The following RELN variants were observed in gnomAD, a reference collection of about 807,000 sequenced individuals.
RELN encodes the protein reelin.
Under a neutral mutation model 427.6 loss-of-function variants are expected in RELN, and 108 were observed. The ratio of observed to expected loss-of-function variants is 0.25; its 90% CI spans 0.22 to 0.30. RELN has a LOEUF of 0.30. Among genes scored for constraint, RELN ranks in the 10% least tolerant of loss-of-function variants. The pLI is 1.00. For synonymous variants in RELN, 1,524 were observed against 1,513.4 expected (o/e 1.01, Z -0.16); for missense variants, 3,715 against 4,302.8 (o/e 0.86, Z 3.82).
intron 2 of RELN, among the ~76,000 whole-genome samples, chr7:103,837,511 C>T (rs967076029): frequency 6.6e-6 from 1 of 152,208 alleles, no homozygotes; most frequent in Non-Finnish European, 1.5e-5. Flanking sequence ...CCCACCCATC[C>T]TTCTTCTCTA....
At chr7:103,984,090 C>T (rs1340576105) in intron 1 of RELN, among the ~76,000 whole-genome samples, 1 of 151,376 alleles carries the variant, frequency 6.6e-6, no homozygotes, top group Non-Finnish European at 1.5e-5. Context: ...TGCAACCAAT[C>T]TTAAATAATT....
At chr7:103,486,610 C>G (rs933927926) in intron 60 of RELN, among the ~76,000 whole-genome samples, 194 bp from the exon 61 acceptor site, 2 of 150,162 alleles carry the variant, frequency 1.3e-5, no homozygotes, top group Middle Eastern at 3.5e-3. Context: ...TGAACAGACA[C>G]TTCTCAAAAG....
chr7:103,723,523 A>G (rs1163307380), intron 7 of RELN, among the ~76,000 whole-genome samples: 1 of 152,188 alleles, frequency 6.6e-6, no homozygotes, highest in Non-Finnish European at 1.5e-5. Context: ...TCATTCCACC[A>G]TCTCCCTTCC....
chr7:103,505,474 G>A (rs1250022135), intron 51 of RELN, among the ~76,000 whole-genome samples: 1 of 152,102 alleles, frequency 6.6e-6, no homozygotes, highest in Non-Finnish European at 1.5e-5. Flanking sequence ...TGCAGCAGAG[G>A]GGCCTGACTG....
chr7:103,862,408 G>GTTCA (rs1436112460), intron 2 of RELN, among the ~76,000 whole-genome samples: 2 of 101,636 alleles, frequency 2.0e-5, no homozygotes, highest in Admixed American at 1.1e-4. Flanking sequence ...TTATGCTTTT[G>GTTCA]TTCTATCTAT....
intron 20 of RELN, among the ~76,000 whole-genome samples, chr7:103,618,720 T>G (rs1227422539): frequency 6.6e-6 from 1 of 152,218 alleles, no homozygotes; most frequent in African/African-American, 2.4e-5. Flanking sequence ...TTTGGAAATT[T>G]ACACATAAGT....
At chr7:103,525,315 C>T (rs1157047814) in intron 46 of RELN, among the ~76,000 whole-genome samples, 1 of 152,182 alleles carries the variant, frequency 6.6e-6, no homozygotes, top group East Asian at 1.9e-4. Context: ...TATAGTTATA[C>T]ATTTATTTGC....
intron 20 of RELN, 64 bp from the exon 21 acceptor site, chr7:103,611,867 T>C (rs1223653364): frequency 1.5e-6 from 2 of 1,305,204 alleles, no homozygotes; most frequent in Admixed American, 1.7e-5. Context: ...AAAATTAAAG[T>C]CTTCACTTCA....
intron 2 of RELN, among the ~76,000 whole-genome samples, chr7:103,838,744 C>G (rs1468620304): frequency 6.6e-6 from 1 of 152,190 alleles, no homozygotes; most frequent in African/African-American, 2.4e-5. Flanking sequence ...CGTTATAGAG[C>G]CTTAATAACA....
At chr7:103,748,933 A>C (rs1350763866) in intron 6 of RELN, among the ~76,000 whole-genome samples, 1 of 152,218 alleles carries the variant, frequency 6.6e-6, no homozygotes, top group African/African-American at 2.4e-5. Flanking sequence ...GTATTAGACA[A>C]GCTTTTAATG....
chr7:103,817,903 A>C (rs887701684), intron 3 of RELN, among the ~76,000 whole-genome samples: 2 of 137,350 alleles, frequency 1.5e-5, no homozygotes, highest in African/African-American at 5.4e-5. Flanking sequence ...TGAGATCTGC[A>C]CTCCAGCCTG....
At chr7:103,542,025 T>C in intron 43 of RELN, among the ~76,000 whole-genome samples, 2 of 152,316 alleles carry the variant, frequency 1.3e-5, no homozygotes, top group East Asian at 1.9e-4. Flanking sequence ...CTTGCAAAAT[T>C]AGGTCAGGGT....
rs1163614345 is a variant in RELN, at chr7:103,539,271, G to A, written c.6987C>T (p.Thr2329=). ...GAAGCAGCCATTTCCTACTATCAAGGGTTGTGAAATCATCTTCCAAGACCG... is the reference window on the plus strand; with the variant it reads ...GAAGCAGCCATTTCCTACTATCAAGAGTTGTGAAATCATCTTCCAAGACCG... ...GNTVLEDDFT[T]LDSRKWLLHP... is the part of the protein sequence containing the mutation. The change falls in exon 45 of 65, where the codon ACC becomes ACT. Residue 2329 remains threonine, a synonymous_variant. Coordinates refer to ENST00000428762, the MANE Select transcript of RELN (RefSeq NM_005045.4). 2 of 1,613,958 alleles carry A rather than the reference G, an allele frequency of 1.2e-6. No individual in the cohort carries two copies. The highest frequency in any genetic ancestry group is 8.5e-7 in the Non-Finnish European group (1 of 1,179,970).
chr7:103,732,408 T>C (rs1790376621), intron 6 of RELN, among the ~76,000 whole-genome samples: 1 of 152,136 alleles, frequency 6.6e-6, no homozygotes, highest in Non-Finnish European at 1.5e-5. Flanking sequence ...ATGTTCTTAA[T>C]CTGTGCTGCC....
chr7:103,962,080 G>A lies in RELN; in HGVS notation c.226+27051C>T, dbSNP rs192780737. Among the ~76,000 whole-genome samples, 42 of 152,128 alleles carry A rather than the reference G, an allele frequency of 2.8e-4. No homozygotes were observed. In the East Asian group the frequency reaches 7.3e-3, roughly 27 times the overall value. On this transcript the variant is annotated intron_variant, in intron 1 of 64. Coordinates refer to ENST00000428762, the MANE Select transcript of RELN (RefSeq NM_005045.4). ...TTTTATATTTGGTCACACCTTTTCA[G>A]TTCTGGATCATTTTATTAAATCTCT... is the stretch of plus-strand genomic sequence containing the variant.
chr7:103,567,237 G>A (rs1303355391), intron 31 of RELN, among the ~76,000 whole-genome samples: 3 of 152,190 alleles, frequency 2.0e-5, no homozygotes, highest in Non-Finnish European at 2.9e-5. Context: ...CTTGCACTTC[G>A]CACTTTGTCA....
chr7:103,890,256 C>T (rs1234558971), intron 2 of RELN, among the ~76,000 whole-genome samples: 1 of 151,232 alleles, frequency 6.6e-6, no homozygotes, highest in African/African-American at 2.4e-5. Flanking sequence ...CAATTCTTCT[C>T]ATTGCAGCTT....
At chr7:103,880,567 G>T (rs1490055795) in intron 2 of RELN, among the ~76,000 whole-genome samples, 1 of 152,162 alleles carries the variant, frequency 6.6e-6, no homozygotes, top group Admixed American at 6.6e-5. Flanking sequence ...CTGACAAGGG[G>T]GACCAAGGTT....
intron 10 of RELN, among the ~76,000 whole-genome samples, chr7:103,694,338 T>A (rs2157748): frequency 0.21 from 32,395 of 152,010 alleles, 4,700 homozygotes; most frequent in African/African-American, 0.4. Context: ...ATTTGAATCC[T>A]TACCCTGCTT....
Sources: allele counts gnomAD v4.1 joint callset (sites outside exome capture counted in the v4.1 genomes callset), GRCh38; gene constraint gnomAD v4.1.1; transcripts MANE v1.5; gene names NCBI Gene and HGNC (gene_info 2026-07-23, HGNC 2026-07-21).